The following MARVELD2 variants were observed in gnomAD, a reference collection of about 807,000 sequenced individuals.
MARVELD2 encodes MARVEL domain containing 2, also known as MARVEL domain-containing protein 2.
In MARVELD2, 49 loss-of-function variants were observed where a neutral mutation model predicts 57.6. That is an observed-to-expected ratio of 0.85 (90% CI 0.68 to 1.08). The LOEUF is 1.08. MARVELD2 is among the 50% of genes least tolerant of loss of function. The probability of loss-of-function intolerance (pLI) is 0.00; values close to 1 mark genes in which losing one functional copy is unlikely to be tolerated. For synonymous variants in MARVELD2, 238 were observed against 258.8 expected (o/e 0.92, Z 0.77); for missense variants, 606 against 701.1 (o/e 0.86, Z 1.53).
chr5:69,420,928 G>C (rs1215904634), intron 2 of MARVELD2, among the ~76,000 whole-genome samples: 2 of 152,100 alleles, frequency 1.3e-5, no homozygotes, highest in Non-Finnish European at 2.9e-5. Context: ...TTTAATAAAA[G>C]CTCCTAATTT....
intron 1 of MARVELD2, chr5:69,415,605 C>T (rs1033942076): frequency 1.3e-5 from 2 of 152,254 alleles, no homozygotes; most frequent in African/African-American, 4.8e-5. Context: ...AGCTAAAATG[C>T]TCGGTACCCC....
At chr5:69,423,894 TG>T (rs1464309360) in intron 2 of MARVELD2, among the ~76,000 whole-genome samples, 1 of 152,230 alleles carries the variant, frequency 6.6e-6, no homozygotes, top group African/African-American at 2.4e-5. Context: ...AACCTTCACA[TG>T]TATTAAATTT....
At chr5:69,423,381 C>T (rs1011957204) in intron 2 of MARVELD2, among the ~76,000 whole-genome samples, 2 of 152,094 alleles carry the variant, frequency 1.3e-5, no homozygotes, top group Non-Finnish European at 2.9e-5. Flanking sequence ...CCTCAGCCTC[C>T]CAGGTAGCTG....
intron 2 of MARVELD2, among the ~76,000 whole-genome samples, chr5:69,424,279 A>C (rs914717599): frequency 2.0e-5 from 3 of 152,178 alleles, no homozygotes; most frequent in Admixed American, 6.5e-5. Flanking sequence ...TAATTGTCCT[A>C]ACTCTTTAAT....
chr5:69,440,208 C>T (rs968262557), intron 5 of MARVELD2, among the ~76,000 whole-genome samples: 24 of 152,130 alleles, frequency 1.6e-4, no homozygotes, highest in Non-Finnish European at 3.2e-4. Flanking sequence ...ATGTATCCTC[C>T]CTAAGGGCCT....
At chr5:69,420,604 AT>A in intron 2 of MARVELD2, 73 bp downstream of exon 2, 1 of 1,408,846 alleles carries the variant, frequency 7.1e-7, no homozygotes. Flanking sequence ...TTGTTAAAAA[AT>A]GTATAGCGCT....
chr5:69,425,947 G>A (rs910518368), intron 3 of MARVELD2, among the ~76,000 whole-genome samples: 16 of 151,582 alleles, frequency 1.1e-4, no homozygotes, highest in East Asian at 1.9e-4. Flanking sequence ...CTAGTTTCAC[G>A]AGGTCAGGAT....
intron 5 of MARVELD2, chr5:69,433,588 T>A (rs1000764389): frequency 1.8e-5 from 3 of 164,344 alleles, no homozygotes; most frequent in Non-Finnish European, 3.9e-5. Flanking sequence ...GCCTCCCGAG[T>A]AGCTGGGACT....
Position 69,439,733 on chromosome 5 carries a change from G to A in MARVELD2, c.1504-717G>A, listed in dbSNP as rs552466379. On this transcript the variant is annotated intron_variant, in intron 5 of 6. Transcript: ENST00000325631. ...CACGCCACTGTACTCCAGCCTGGGC[G>A]ACAGAGGGAGACTGTCTTAAAATGA... Among the ~76,000 whole-genome samples, 8 of 151,652 alleles carry A rather than the reference G, an allele frequency of 5.3e-5. No homozygotes were observed. The East Asian group carries it at 9.8e-4, about 19-fold the overall frequency.
intron 3 of MARVELD2, among the ~76,000 whole-genome samples, chr5:69,427,940 C>T (rs1766845602): frequency 6.6e-6 from 1 of 152,024 alleles, no homozygotes; most frequent in South Asian, 2.1e-4. Flanking sequence ...GGTGAAACCC[C>T]ATTTCTACTA....
chr5:69,439,416 C>A (rs966148368), intron 5 of MARVELD2, among the ~76,000 whole-genome samples: 5 of 151,898 alleles, frequency 3.3e-5, no homozygotes, highest in Non-Finnish European at 5.9e-5. Context: ...CCGCCTCAGC[C>A]TCCCAAAATG....
rs1227300118 is a variant in MARVELD2 at position 69,441,619 on chromosome 5, A to G, written c.1642A>G (p.Lys548Glu). 4 of 1,589,788 alleles carry G rather than the reference A, an allele frequency of 2.5e-6. No individual in the cohort carries two copies. The highest frequency in any genetic ancestry group is 2.7e-5 in the African/African-American group (2 of 74,522). Residue 548 changes from lysine (K) to glutamate (E), a missense_variant, in exon 7 of 7, where the codon AAA becomes GAA. By Grantham distance (56) the Lys-to-Glu change is moderately conservative (BLOSUM62 1). Transcript: ENST00000325631. ...AAAGCAAAGAATTCAAGAATATGAT[A>G]AAGTAATGAATTGGGATGTACAAGG... is the stretch of plus-strand genomic sequence containing the variant. Reference protein sequence around the residue: ...HIKQRIQEYDKVMNWDVQGYS With the variant: ...HIKQRIQEYDEVMNWDVQGYS
chr5:69,421,808 T>G (rs1766636186), intron 2 of MARVELD2, among the ~76,000 whole-genome samples: 1 of 150,738 alleles, frequency 6.6e-6, no homozygotes, highest in African/African-American at 2.4e-5. Flanking sequence ...TTTTTTTTTT[T>G]TTTGAGACAG....
intron 3 of MARVELD2, among the ~76,000 whole-genome samples, chr5:69,430,349 A>C (rs1580486748): frequency 6.6e-6 from 1 of 152,000 alleles, no homozygotes; most frequent in East Asian, 1.9e-4. Flanking sequence ...CCTGGGCCAC[A>C]GAACGAGACT....
chr5:69,422,494 C>G (rs921145992), intron 2 of MARVELD2, among the ~76,000 whole-genome samples: 2 of 145,842 alleles, frequency 1.4e-5, no homozygotes, highest in Non-Finnish European at 3.0e-5. Context: ...CTTATTAGGA[C>G]GAGGAAATTC....
At chr5:69,439,100 G>C (rs2150933387) in intron 5 of MARVELD2, among the ~76,000 whole-genome samples, 1 of 151,010 alleles carries the variant, frequency 6.6e-6, no homozygotes, top group South Asian at 2.1e-4. Context: ...AAATATACTG[G>C]GAAAAGGATA....
intron 6 of MARVELD2, 71 bp from the exon 7 acceptor site, chr5:69,441,461 G>T: frequency 6.4e-7 from 1 of 1,568,728 alleles, no homozygotes; most frequent in South Asian, 1.1e-5. Flanking sequence ...TTTCCTGGGT[G>T]ACAATGTATG....
At chr5:69,424,707 C>A in intron 3 of MARVELD2, 71 bp downstream of exon 3, 1 of 1,196,952 alleles carries the variant, frequency 8.4e-7, no homozygotes, top group Non-Finnish European at 1.2e-6. Context: ...TGTTTATCTA[C>A]ATAGTAGTAT....
intron 6 of MARVELD2, among the ~76,000 whole-genome samples, chr5:69,441,012 A>G (rs535608437): frequency 7.1e-4 from 108 of 152,240 alleles, no homozygotes; most frequent in African/African-American, 2.2e-3. Flanking sequence ...TGTGCCTGGG[A>G]GGCAGAGGTT....
Sources: gnomAD v4.1 joint callset for allele counts (sites outside exome capture counted in the v4.1 genomes callset) on GRCh38, gnomAD v4.1.1 for gene constraint, MANE v1.5 for transcripts, NCBI Gene and HGNC (gene_info 2026-07-23, HGNC 2026-07-21) for gene names.